The following MDN1 variants were observed in gnomAD, a reference collection of about 807,000 sequenced individuals.
The protein encoded by MDN1 is midasin.
A neutral mutation model predicts 669.2 loss-of-function variants in MDN1; 266 were observed. That is an observed-to-expected ratio of 0.40 (90% confidence interval 0.36 to 0.44). The LOEUF (loss-of-function observed/expected upper bound fraction) is 0.44. MDN1 is among the 20% of genes least tolerant of loss of function. MDN1 has a pLI of 1.00. For synonymous variants in MDN1, 2,385 were observed against 2,457.1 expected (o/e 0.97, Z 0.87); for missense variants, 5,940 against 6,754.0 (o/e 0.88, Z 4.22).
intron 40 of MDN1, among the ~76,000 whole-genome samples, chr6:89,721,453 C>A (rs1263335200): frequency 6.6e-6 from 1 of 152,130 alleles, no homozygotes; most frequent in East Asian, 1.9e-4. Flanking sequence ...GAAGACAGTT[C>A]CTGTCATACC....
At position 89,692,504 on chromosome 6, in the gene MDN1, T is replaced by C. The variant is rs1812436125; in HGVS notation, c.10526A>G (p.His3509Arg). 2 of 1,614,070 alleles carry C rather than the reference T, an allele frequency of 1.2e-6. No individual in the cohort carries two copies. Among genetic ancestry groups the C allele is most frequent in the Admixed American group, 1.7e-5 (1 of 60,000 alleles). ...LMNALLYLRS[H>R]VLCKGELDQR... ...GTCCAACTCTCCCTTGCATAACACG[T>C]GGGAGCGCAGGTAAAGGAGAGCATT... is the stretch of plus-strand genomic sequence containing the variant. Residue 3509 changes from histidine to arginine, a missense_variant, in exon 63 of 102, where the codon CAC becomes CGC. Around this residue, in one of 5 missense-constraint regions of MDN1, gnomAD observed 2,280 missense variants for 2,576.3 expected, o/e 0.88. Transcript: ENST00000369393.
At chr6:89,681,853 C>T (rs529350134) in intron 73 of MDN1, among the ~76,000 whole-genome samples, 5 of 152,156 alleles carry the variant, frequency 3.3e-5, no homozygotes, top group South Asian at 2.1e-4. Flanking sequence ...GGGTCTCATA[C>T]GTTGCATAGG....
chr6:89,689,342 C>A (rs1257035446), intron 65 of MDN1, among the ~76,000 whole-genome samples: 1 of 152,172 alleles, frequency 6.6e-6, no homozygotes, highest in African/African-American at 2.4e-5. Context: ...TAACTCAGTG[C>A]ATCCAAATTC....
At chr6:89,682,695 G>C (rs1265409279) in intron 73 of MDN1, among the ~76,000 whole-genome samples, 1 of 59,592 alleles carries the variant, frequency 1.7e-5, no homozygotes, top group Non-Finnish European at 3.2e-5. Context: ...GCGAGACTCT[G>C]TCTTAAAAAA....
At chr6:89,787,546 T>G (rs1819029686) in intron 8 of MDN1, among the ~76,000 whole-genome samples, 1 of 152,174 alleles carries the variant, frequency 6.6e-6, no homozygotes, top group African/African-American at 2.4e-5. Flanking sequence ...AGGTACTAAG[T>G]AGCAGTGTCA....
chr6:89,815,059 G>A, intron 1 of MDN1: 2 of 482,726 alleles, frequency 4.1e-6, no homozygotes, highest in Admixed American at 2.8e-5. Flanking sequence ...ACAAAAGGGA[G>A]AGCAGTGTCT....
chr6:89,742,956 A>G (rs1816369049), intron 31 of MDN1, among the ~76,000 whole-genome samples, 194 bp downstream of exon 31: 1 of 152,182 alleles, frequency 6.6e-6, no homozygotes. Context: ...GAGAAGTATT[A>G]CTGTGCACAA....
rs1184650595 is a variant in MDN1 at position 89,696,374 on chromosome 6, T to C, written c.9369A>G (p.Ser3123=). The C allele has an allele frequency of 6.2e-7, 1 of 1,614,158 alleles. No homozygotes were observed. The highest frequency in any genetic ancestry group is 1.7e-5 in the Admixed American group (1 of 60,012). The stretch of plus-strand genomic sequence containing the variant: ...CGAGGGAATACCTGAATTCTGCTAC[T>C]GAAGAGATAGCCATGTTAGTCCAAA... ...SMLWTNMAIS[S]VAEFRRTDSQ... Residue 3123 remains serine, a synonymous_variant, in exon 60 of 102, where the codon TCA becomes TCG. Transcript: ENST00000369393.
In MDN1 at chr6:89,762,478, C is replaced by T. The variant is rs1342222161; in HGVS notation, c.2197G>A (p.Glu733Lys). 1.9e-6 allele frequency: 3 copies of T among 1,614,144 alleles called. No homozygotes were observed. Among genetic ancestry groups the T allele is most frequent in the Admixed American group, 1.7e-5 (1 of 60,010 alleles). Reference sequence around the variant, plus strand: ...GAAAATGTCTGAGCAAAGAGTTCCTCAAATGCCTCCCGTAAGGGTAGCCAA... The same window carrying T: ...GAAAATGTCTGAGCAAAGAGTTCCTTAAATGCCTCCCGTAAGGGTAGCCAA... ...LIWLPLREAFEELFAQTFSKK... is the reference protein window; with the variant it reads ...LIWLPLREAFKELFAQTFSKK... The change falls in exon 16 of 102, where the codon GAG (glutamate) becomes AAG (lysine). Residue 733 changes from glutamate to lysine, a missense_variant. Around this residue, in one of 5 missense-constraint regions of MDN1, gnomAD observed 1,203 missense variants for 1,268.9 expected, o/e 0.95. Coordinates refer to ENST00000369393, the MANE Select transcript of MDN1 (RefSeq NM_014611.3).
chr6:89,703,879 G>A (rs1352139333), intron 53 of MDN1, among the ~76,000 whole-genome samples: 1 of 151,866 alleles, frequency 6.6e-6, no homozygotes, highest in Non-Finnish European at 1.5e-5. Context: ...TGAGCGTGGT[G>A]GCACGCGCCT....
chr6:89,735,232 C>T (rs1358032031), intron 33 of MDN1, among the ~76,000 whole-genome samples: 2 of 151,608 alleles, frequency 1.3e-5, no homozygotes, highest in Non-Finnish European at 2.9e-5. Context: ...AAAGTATTGA[C>T]TAATGTACCA....
Position 89,700,161 on chromosome 6 carries a change from G to A in MDN1, c.8772C>T (p.Leu2924=). 6.2e-7 allele frequency: 1 copy of A among 1,614,202 alleles called. No individual in the cohort carries two copies. Among genetic ancestry groups the A allele is most frequent in the Non-Finnish European group, 8.5e-7 (1 of 1,180,026 alleles). Residue 2924 remains leucine, a synonymous_variant, in exon 57 of 102, where the codon CTC becomes CTT. Coordinates refer to ENST00000369393, the MANE Select transcript of MDN1 (RefSeq NM_014611.3). ...SHPDLTSVIH[L]TRSVQLWPAM... is the part of the protein sequence containing the mutation. ...CAGGCCACAACTGAACACTCCTGGT[G>A]AGGTGGATTACGGAGGTCAAGTCTG... is the stretch of plus-strand genomic sequence containing the variant.
chr6:89,749,479 T>C (rs1367302271), intron 25 of MDN1, 64 bp downstream of exon 25: 1 of 1,596,164 alleles, frequency 6.3e-7, no homozygotes, highest in Admixed American at 1.7e-5. Flanking sequence ...ATTTCATTCT[T>C]ACTACGAAAA....
intron 5 of MDN1, among the ~76,000 whole-genome samples, chr6:89,792,043 T>C (rs1192210198): frequency 6.6e-6 from 1 of 151,914 alleles, no homozygotes; most frequent in Non-Finnish European, 1.5e-5. Context: ...AATTTTTTTG[T>C]ATTTTTAGTA....
intron 31 of MDN1, among the ~76,000 whole-genome samples, chr6:89,741,369 T>A (rs1045725316): frequency 6.6e-6 from 1 of 152,156 alleles, no homozygotes; most frequent in African/African-American, 2.4e-5. Context: ...CCTAACTGAC[T>A]CCATCTTTCT....
At chr6:89,803,607 A>T in intron 1 of MDN1, 53 bp from the exon 2 acceptor site, 1 of 1,280,588 alleles carries the variant, frequency 7.8e-7, no homozygotes, top group Non-Finnish European at 1.1e-6. Context: ...TTTGAGACAC[A>T]GTCTCGCTCT....
rs756602259 is a variant in MDN1, at chr6:89,745,385, A to T, written c.4066T>A (p.Leu1356Met). 2 of 1,614,098 alleles carry T rather than the reference A, an allele frequency of 1.2e-6. No individual in the cohort carries two copies. Among genetic ancestry groups the T allele is most frequent in the Non-Finnish European group, 1.7e-6 (2 of 1,179,966 alleles). The change falls in exon 29 of 102, where the codon TTG (leucine) becomes ATG (methionine). Residue 1356 changes from leucine (L) to methionine (M), a missense_variant. By Grantham distance (15) the Leu-to-Met change is conservative (BLOSUM62 2). This residue lies in a region of MDN1 where 2,292 missense variants were observed against 2,638.3 expected (regional missense o/e 0.87). Coordinates refer to ENST00000369393, the MANE Select transcript of MDN1 (RefSeq NM_014611.3). The stretch of plus-strand genomic sequence containing the variant: ...ACGATATGGCCAAAGTTACACTCCA[A>T]TGTGGATATCTGAGTAGACAATTTA... The part of the protein sequence containing the change: ...LGKLSTQIST[L>M]ECNFGHIVWT...
rs778751080 is a variant in MDN1, at chr6:89,675,503, C to T, written c.12722G>A (p.Arg4241His). The change falls in exon 78 of 102, where the codon CGC becomes CAC. Residue 4241 changes from arginine (R) to histidine (H), a missense_variant. Physicochemically the swap from Arg to His is conservative, Grantham distance 29. Transcript: ENST00000369393. The part of the protein sequence containing the change: ...HLMKMLVRQR[R>H]SLTTLSEQWI... ...CTGCTCACTGAGCGTGGTCAGGGAG[C>T]GCCGCTGTCGGACGAGCATCTTCAT... 2.5e-5 allele frequency: 41 copies of T among 1,613,724 alleles called. No homozygotes were observed. The highest frequency in any genetic ancestry group is 1.6e-4 in the Middle Eastern group (1 of 6,062).
chr6:89,743,798 C>A, intron 29 of MDN1, 84 bp from the exon 30 acceptor site: 2 of 1,464,976 alleles, frequency 1.4e-6, no homozygotes, highest in Non-Finnish European at 1.9e-6. Flanking sequence ...AAGAGAAGAA[C>A]CACTGTGGGA....
Sources: allele counts gnomAD v4.1 joint callset (sites outside exome capture counted in the v4.1 genomes callset), GRCh38; gene constraint gnomAD v4.1.1; regional missense constraint gnomAD v4.1.1; transcripts MANE v1.5; gene names NCBI Gene and HGNC (gene_info 2026-07-23, HGNC 2026-07-21).